CHIA: variants seen among roughly 807,000 people sequenced by gnomAD.
CHIA encodes the protein acidic mammalian chitinase.
Under a neutral mutation model 53.5 loss-of-function variants are expected in CHIA, and 47 were observed. That is an observed-to-expected ratio of 0.88 (90% CI 0.70 to 1.12). The LOEUF (loss-of-function observed/expected upper bound fraction) is 1.12, where lower values mean the gene tolerates loss of function less well. CHIA is among the 50% of genes most tolerant of loss of function. CHIA has a pLI of 0.00. For synonymous variants in CHIA, 268 were observed against 222.2 expected (o/e 1.21, Z -1.83); for missense variants, 652 against 592.2 (o/e 1.10, Z -1.05).
At position 111,291,837 on chromosome 1, in the gene CHIA, G is replaced by A. The variant is rs11576622; in HGVS notation, c.-69+887G>A. Among the ~76,000 whole-genome samples, 9 of 150,668 alleles carry A rather than the reference G, an allele frequency of 6.0e-5. 1 individual carries two copies. In the South Asian group the frequency reaches 8.4e-4, roughly 14 times the overall value. On this transcript the variant is annotated intron_variant, in intron 1 of 11. Transcript: ENST00000369740. The stretch of plus-strand genomic sequence containing the variant: ...ACACACACTGGGGCCTGTCGGGGGG[G>A]GGTGGGGGTAGGGAAAGCATCAGGA...
rs752270984 is a variant in CHIA at position 111,312,199 on chromosome 1, A to G, written c.65A>G (p.Tyr22Cys). Residue 22 changes from tyrosine to cysteine, a missense_variant, in exon 4 of 12, where the codon TAC becomes TGC. Physicochemically the swap from Tyr to Cys is radical, Grantham distance 194 (BLOSUM62 -2). Transcript: ENST00000369740. ...LILNLQLGSA[Y>C]QLTCYFTNWA... ...TGCTGACTACACACAGGCTCTGCCTACCAGCTGACATGCTACTTCACCAAC... is the reference window on the plus strand; with the variant it reads ...TGCTGACTACACACAGGCTCTGCCTGCCAGCTGACATGCTACTTCACCAAC... The G allele has an allele frequency of 6.8e-6, 11 of 1,613,762 alleles. No homozygotes were observed. In the South Asian group the frequency reaches 9.9e-5, roughly 14 times the overall value.
At chr1:111,311,640 C>T (rs143068985) in intron 2 of CHIA, 49 bp from the exon 3 acceptor site, 99 of 1,601,492 alleles carry the variant, frequency 6.2e-5, no homozygotes, top group South Asian at 2.4e-4. Context: ...TTAGATTCTA[C>T]GGGGTACAGA....
intron 6 of CHIA, chr1:111,315,789 T>C (rs564993377): frequency 2.6e-5 from 12 of 459,870 alleles, no homozygotes; most frequent in Non-Finnish European, 4.8e-5. Context: ...ATCACACAAC[T>C]AGTAGGAATC....
chr1:111,300,933 C>T (rs1439430702), intron 1 of CHIA, among the ~76,000 whole-genome samples: 1 of 152,158 alleles, frequency 6.6e-6, no homozygotes, highest in Admixed American at 6.5e-5. Context: ...TATGAACAGA[C>T]ACTTCTCAAA....
chr1:111,309,149 G>A (rs1648463928), intron 1 of CHIA, among the ~76,000 whole-genome samples: 2 of 152,142 alleles, frequency 1.3e-5, no homozygotes, highest in South Asian at 2.1e-4. Flanking sequence ...TAACAAACCT[G>A]CACACCTTGC....
In CHIA at chr1:111,310,579, A is replaced by T. The variant is rs192391212; in HGVS notation, c.25+87A>T. 3.5e-3 allele frequency: 5,617 copies of T among 1,602,534 alleles called. 18 individuals are homozygous for T. Among genetic ancestry groups the T allele is most frequent in the Non-Finnish European group, 4.4e-3 (5,158 of 1,175,568 alleles). On this transcript the variant is annotated intron_variant, in intron 2 of 11. Transcript: ENST00000369740. ...CTGAAAATCATGAAGTGGTCTTCAT[A>T]CTACATCCCTATACTTTTCCATTCT...
chr1:111,319,826 C>G (rs955935228), intron 11 of CHIA, among the ~76,000 whole-genome samples: 1 of 152,214 alleles, frequency 6.6e-6, no homozygotes, highest in Admixed American at 6.5e-5. Flanking sequence ...CACCAATGCT[C>G]ACATATCTCT....
intron 1 of CHIA, among the ~76,000 whole-genome samples, chr1:111,306,238 G>A (rs970381499): frequency 5.9e-5 from 9 of 152,134 alleles, no homozygotes; most frequent in Non-Finnish European, 1.3e-4. Context: ...AAGCGTAAAA[G>A]GCCAAGAAAA....
At chr1:111,312,539 G>C in intron 4 of CHIA, 148 bp downstream of exon 4, 2 of 674,660 alleles carry the variant, frequency 3.0e-6, no homozygotes, top group South Asian at 1.8e-5. Flanking sequence ...GACAAAAATT[G>C]TATGTGTTTA....
rs1482408278 is a variant in CHIA at position 111,311,676 on chromosome 1, T to C, written c.26-13T>C. 1.2e-6 allele frequency: 2 copies of C among 1,613,948 alleles called. No individual in the cohort carries two copies. The highest frequency in any genetic ancestry group is 2.2e-5 in the East Asian group (1 of 44,880). ...CAATCGGTTCAAAGTACATGCTTTT[T>C]CTTTCTATCCAGGTCTTGTCCTTAT... On this transcript the variant is annotated splice_polypyrimidine_tract_variant and intron_variant, in intron 2 of 11. Coordinates refer to ENST00000369740, the MANE Select transcript of CHIA (RefSeq NM_201653.4).
intron 6 of CHIA, chr1:111,317,357 A>T: frequency 4.2e-6 from 1 of 235,966 alleles, no homozygotes; most frequent in Non-Finnish European, 8.6e-6. Flanking sequence ...GTAGGGTATC[A>T]CTGCAACTAG....
intron 1 of CHIA, among the ~76,000 whole-genome samples, chr1:111,291,529 G>C (rs1018372167): frequency 6.6e-6 from 1 of 151,616 alleles, no homozygotes; most frequent in Admixed American, 6.6e-5. Context: ...GGGGCAAGGG[G>C]GGGAGAGCAT....
intron 1 of CHIA, among the ~76,000 whole-genome samples, chr1:111,306,272 A>T (rs1200690862): frequency 6.6e-6 from 1 of 152,218 alleles, no homozygotes; most frequent in Non-Finnish European, 1.5e-5. Flanking sequence ...GAAGATGATA[A>T]ACAGTGTGTG....
chr1:111,300,621 T>C (rs1647643937), intron 1 of CHIA, among the ~76,000 whole-genome samples: 1 of 152,074 alleles, frequency 6.6e-6, no homozygotes, highest in African/African-American at 2.4e-5. Flanking sequence ...CTTAAAACCA[T>C]AAAAACCCTA....
chr1:111,301,969 G>A (rs1367370625), intron 1 of CHIA, among the ~76,000 whole-genome samples: 1 of 151,928 alleles, frequency 6.6e-6, no homozygotes, highest in African/African-American at 2.4e-5. Flanking sequence ...CAAGTTATTG[G>A]GTGCAGCAAA....
Position 111,320,287 on chromosome 1 carries a change from AGCAGCTCTGGAG to A in CHIA, c.1260_1271del (p.Ser424_Ser427del), listed in dbSNP as rs1649552941. The A allele has an allele frequency of 1.9e-6, 3 of 1,614,238 alleles. No homozygotes were observed. The highest frequency in any genetic ancestry group is 2.5e-6 in the Non-Finnish European group (3 of 1,180,034). On this transcript the variant is annotated inframe_deletion, in exon 12 of 12. Transcript: ENST00000369740. ...TGGCAGCGGGAACGGGAGCGGGAGT[AGCAGCTCTGGAG>A]GCAGCTCGGGAGGCAGTGGATTCTG...
At position 111,317,395 on chromosome 1, in the gene CHIA, G is replaced by A; in HGVS notation, c.481-286G>A. The A allele has an allele frequency of 1.2e-5, 4 of 325,160 alleles. No individual in the cohort carries two copies. The South Asian group carries it at 1.4e-4, about 11-fold the overall frequency. The allele number at this position is 325,160 out of a possible 1,614,324, so 20.1% of individuals were successfully genotyped here. A position where few individuals can be genotyped will look rare whatever the true frequency, so the allele number is the denominator to read the frequency against. On this transcript the variant is annotated intron_variant, in intron 6 of 11. Coordinates refer to ENST00000369740, the MANE Select transcript of CHIA (RefSeq NM_201653.4). ...CTTCAAAGTATAGAGATACAATGGA[G>A]CCCTGATGGTCATCTGGGACCTGGG...
chr1:111,313,476 G>A (rs1176336767), intron 4 of CHIA, among the ~76,000 whole-genome samples: 1 of 151,946 alleles, frequency 6.6e-6, no homozygotes, highest in Non-Finnish European at 1.5e-5. Flanking sequence ...CAAGTCCTTG[G>A]CCCATTTTTT....
At chr1:111,315,859 C>A in intron 6 of CHIA, 1 of 447,686 alleles carries the variant, frequency 2.2e-6, no homozygotes, top group Non-Finnish European at 4.5e-6. Flanking sequence ...CACTAGGCTG[C>A]CCGTTATTAC....
Sources: allele counts gnomAD v4.1 joint callset (sites outside exome capture counted in the v4.1 genomes callset), GRCh38; gene constraint gnomAD v4.1.1; transcripts MANE v1.5; gene names NCBI Gene and HGNC (gene_info 2026-07-23, HGNC 2026-07-21).